The following SEMA5A variants were observed in gnomAD, a reference collection of about 807,000 sequenced individuals.
SEMA5A encodes semaphorin 5A, also known as semaphorin-5A.
SEMA5A carries 55 observed loss-of-function variants against 135.5 expected under a neutral mutation model. The observed-to-expected ratio is 0.41, with a 90% CI of 0.33 to 0.51. SEMA5A has a LOEUF of 0.51. Among genes scored for constraint, SEMA5A ranks in the 20% least tolerant of loss-of-function variants. The pLI, the probability that SEMA5A is intolerant of heterozygous loss-of-function variation, is 0.37. For missense variants in SEMA5A, 1,290 were observed against 1,419.9 expected (o/e 0.91, Z 1.47); for synonymous variants, 580 against 546.5 (o/e 1.06, Z -0.85).
Position 9,291,584 on chromosome 5 carries a change from GGAAAGAGAGAGAGAGAGA to G in SEMA5A, c.270+26770_270+26787del, listed in dbSNP as rs1302104817. 3.0e-4 allele frequency among the ~76,000 whole-genome samples: 43 copies of G among 143,868 alleles called. No individual in the cohort carries two copies. In the East Asian group the frequency reaches 5.7e-3, roughly 19 times the overall value. 94.4% of individuals were successfully genotyped at this position (143,868 alleles called of 152,430 possible). A position where few individuals can be genotyped will look rare whatever the true frequency, so the allele number is the denominator to read the frequency against. On this transcript the variant is annotated intron_variant, in intron 5 of 22. Transcript: ENST00000382496. The stretch of plus-strand genomic sequence containing the variant: ...GAGAAGAAAGGAGGATGTAGAAGCA[GGAAAGAGAGAGAGAGAGA>G]GAAAGAGAGAGAGAGAGAGAAAGGA...
chr5:9,350,079 T>A (rs1235085556), intron 3 of SEMA5A, among the ~76,000 whole-genome samples: 1 of 152,170 alleles, frequency 6.6e-6, no homozygotes, highest in Non-Finnish European at 1.5e-5. Flanking sequence ...GGACAGCACA[T>A]ACCCAAGATA....
intron 3 of SEMA5A, among the ~76,000 whole-genome samples, chr5:9,378,820 G>A (rs1485739002): frequency 6.6e-6 from 1 of 152,152 alleles, no homozygotes; most frequent in Non-Finnish European, 1.5e-5. Flanking sequence ...CTGGGTGCTT[G>A]ATGATGTCAT....
intron 10 of SEMA5A, among the ~76,000 whole-genome samples, chr5:9,196,344 C>A (rs1193773222): frequency 6.6e-6 from 1 of 152,066 alleles, no homozygotes; most frequent in Non-Finnish European, 1.5e-5. Flanking sequence ...GAAGAGATAC[C>A]CCAAAGGTGT....
chr5:9,049,738 C>A (rs1435262699), intron 21 of SEMA5A, among the ~76,000 whole-genome samples: 1 of 152,178 alleles, frequency 6.6e-6, no homozygotes, highest in Non-Finnish European at 1.5e-5. Context: ...GGACAGCCAA[C>A]CTCTCCATCC....
At chr5:9,380,408 T>A (rs1381763514) in intron 2 of SEMA5A, among the ~76,000 whole-genome samples, 1 of 152,186 alleles carries the variant, frequency 6.6e-6, no homozygotes, top group Non-Finnish European at 1.5e-5. Context: ...CAGGTCTATA[T>A]GTGGAAACCC....
chr5:9,090,031 A>T (rs1738945457), intron 16 of SEMA5A, among the ~76,000 whole-genome samples: 1 of 152,208 alleles, frequency 6.6e-6, no homozygotes, highest in Admixed American at 6.5e-5. Flanking sequence ...ATGTGTGTAT[A>T]CATGTGTAAT....
At chr5:9,188,329 A>G (rs923082254) in intron 11 of SEMA5A, among the ~76,000 whole-genome samples, 3 of 152,240 alleles carry the variant, frequency 2.0e-5, no homozygotes, top group Non-Finnish European at 4.4e-5. Flanking sequence ...CACCCAGTCT[A>G]TGGTAATTTG....
In SEMA5A at chr5:9,526,838, G is replaced by A. The variant is rs80170573; in HGVS notation, c.-175+18746C>T. Among the ~76,000 whole-genome samples, 203 of 152,298 alleles carry A rather than the reference G, an allele frequency of 1.3e-3. 4 individuals are homozygous for A. In the East Asian group the frequency reaches 0.03, roughly 23 times the overall value. On this transcript the variant is annotated intron_variant, in intron 1 of 22. Coordinates refer to ENST00000382496, the MANE Select transcript of SEMA5A (RefSeq NM_003966.3). ...CTACCCACCCTACTGGGCTGTCAGT[G>A]ACTTCATAAGACAATGCATCTACAT...
chr5:9,170,232 T>C (rs1358503001), intron 11 of SEMA5A, among the ~76,000 whole-genome samples: 1 of 152,130 alleles, frequency 6.6e-6, no homozygotes, highest in Non-Finnish European at 1.5e-5. Context: ...TGCATGAACA[T>C]GGGTGACTCA....
chr5:9,169,203 T>C (rs966421380), intron 11 of SEMA5A, among the ~76,000 whole-genome samples: 1 of 152,208 alleles, frequency 6.6e-6, no homozygotes, highest in African/African-American at 2.4e-5. Context: ...AAAGGGTAAC[T>C]GTGTGACCTC....
At chr5:9,455,257 A>T (rs953360081) in intron 1 of SEMA5A, among the ~76,000 whole-genome samples, 16 of 148,970 alleles carry the variant, frequency 1.1e-4, no homozygotes, top group East Asian at 5.9e-4. Context: ...TTATTTATTT[A>T]TTTTTTTTTT....
intron 22 of SEMA5A, 170 bp from the exon 23 acceptor site, chr5:9,043,186 C>T (rs1326213149): frequency 3.4e-6 from 2 of 595,218 alleles, no homozygotes; most frequent in Non-Finnish European, 5.6e-6. Flanking sequence ...CCATGGAGGA[C>T]TTGCCTAATT....
chr5:9,357,117 C>T (rs1450673670), intron 3 of SEMA5A, among the ~76,000 whole-genome samples: 2 of 152,198 alleles, frequency 1.3e-5, no homozygotes, highest in Non-Finnish European at 2.9e-5. Flanking sequence ...TCATTAATTA[C>T]AACTCTTGGC....
rs1048840037 is a variant in SEMA5A, at chr5:9,144,503, C to A, written c.1482-7882G>T. ...ACCCTTCTGTGTAGTACAGCCCACC[C>A]CTCAGAAAGAACATTTGTCCCTCTC... On this transcript the variant is annotated intron_variant, in intron 12 of 22. Coordinates refer to ENST00000382496, the MANE Select transcript of SEMA5A (RefSeq NM_003966.3). Among the ~76,000 whole-genome samples, 31 of 152,104 alleles carry A rather than the reference C, an allele frequency of 2.0e-4. 1 individual carries two copies. The highest frequency in any genetic ancestry group is 1.4e-3 in the Admixed American group (21 of 15,266).
intron 4 of SEMA5A, among the ~76,000 whole-genome samples, chr5:9,327,918 A>T (rs1368014985): frequency 6.6e-6 from 1 of 152,148 alleles, no homozygotes; most frequent in Admixed American, 6.5e-5. Flanking sequence ...ATTTGAAAAA[A>T]AATGCCAACT....
chr5:9,239,632 T>C (rs1488157434), intron 5 of SEMA5A, among the ~76,000 whole-genome samples: 1 of 152,000 alleles, frequency 6.6e-6, no homozygotes, highest in Non-Finnish European at 1.5e-5. Flanking sequence ...GAGGATTGAT[T>C]AAAACAGTAT....
intron 12 of SEMA5A, among the ~76,000 whole-genome samples, chr5:9,153,347 G>A (rs1317429417): frequency 6.6e-6 from 1 of 152,236 alleles, no homozygotes; most frequent in Non-Finnish European, 1.5e-5. Flanking sequence ...ATCTCCCGGA[G>A]TAAAGTGCTG....
intron 16 of SEMA5A, among the ~76,000 whole-genome samples, chr5:9,088,073 C>T (rs1214792681): frequency 6.6e-6 from 1 of 152,032 alleles, no homozygotes. Flanking sequence ...AAAGGGGAGG[C>T]CAAGGCAGGC....
At chr5:9,444,901 CACAG>C (rs1468619136) in intron 1 of SEMA5A, among the ~76,000 whole-genome samples, 1 of 152,172 alleles carries the variant, frequency 6.6e-6, no homozygotes, top group Non-Finnish European at 1.5e-5. Flanking sequence ...CCAAGCTGTG[CACAG>C]ACAAACAGGT....
Sources: gnomAD v4.1 joint callset for allele counts (sites outside exome capture counted in the v4.1 genomes callset) on GRCh38, gnomAD v4.1.1 for gene constraint, MANE v1.5 for transcripts, NCBI Gene and HGNC (gene_info 2026-07-23, HGNC 2026-07-21) for gene names.